MYLK: variants seen among roughly 807,000 people sequenced by gnomAD.
The protein encoded by MYLK is myosin light chain kinase, smooth muscle.
Under a neutral mutation model 203.4 loss-of-function variants are expected in MYLK, and 106 were observed. The observed-to-expected ratio is 0.52, with a 90% CI of 0.45 to 0.61. MYLK has a LOEUF of 0.61. Ranked by LOEUF, MYLK falls within the 20% of genes least tolerant of loss-of-function variation. The pLI is 0.00. For synonymous variants in MYLK, 867 were observed against 959.5 expected, an observed-to-expected ratio of 0.90 and a Z score of 1.78; for missense variants, 2,072 against 2,442.3, an observed-to-expected ratio of 0.85 and a Z score of 3.20.
In MYLK at chr3:123,677,900, TATATATATATATATATATAC is replaced by T. The variant is rs1011847900; in HGVS notation, c.3652+4304_3652+4323del. ...AAATAAATGAATATATATATATATA[TATATATATATATATATATAC>T]ACACACACACACACAGAGTACATCC... On this transcript the variant is annotated intron_variant, in intron 20 of 33. Transcript: ENST00000360304. Among the ~76,000 whole-genome samples the T allele has an allele frequency of 4.5e-5, 4 of 88,996 alleles. 1 individual carries two copies. The highest frequency in any genetic ancestry group is 2.0e-4 in the African/African-American group (4 of 20,302). 58.4% of individuals were successfully genotyped at this position (88,996 alleles called of 152,430 possible). A position where few individuals can be genotyped will look rare whatever the true frequency, so the allele number is the denominator to read the frequency against.
chr3:123,881,692 T>C (rs1404232404), intron 1 of MYLK, among the ~76,000 whole-genome samples: 1 of 152,152 alleles, frequency 6.6e-6, no homozygotes, highest in Non-Finnish European at 1.5e-5. Context: ...CAACTAGTTG[T>C]GTTTCAAACT....
intron 2 of MYLK, among the ~76,000 whole-genome samples, chr3:123,853,128 GA>G (rs148743700): frequency 0.012 from 1,793 of 146,354 alleles, 73 homozygotes; most frequent in Admixed American, 0.083. Flanking sequence ...ACTCTAGAGA[GA>G]AAAAAAAAAA....
chr3:123,762,388 C>T (rs1366557068), intron 4 of MYLK, among the ~76,000 whole-genome samples: 1 of 151,864 alleles, frequency 6.6e-6, no homozygotes, highest in Non-Finnish European at 1.5e-5. Context: ...TGCCACCATG[C>T]CTGGCTAATT....
chr3:123,768,780 G>A (rs754934054), intron 4 of MYLK, among the ~76,000 whole-genome samples: 5 of 152,126 alleles, frequency 3.3e-5, no homozygotes, highest in Non-Finnish European at 5.9e-5. Context: ...TCCTAATTGT[G>A]TCCTTTCGAA....
chr3:123,722,091 G>A, intron 13 of MYLK, 37 bp downstream of exon 13: 1 of 1,554,460 alleles, frequency 6.4e-7, no homozygotes, highest in Non-Finnish European at 8.7e-7. Context: ...GTGCCTGCAG[G>A]AAAGGTGCTT....
At chr3:123,673,090 T>C (rs1357019606) in intron 20 of MYLK, among the ~76,000 whole-genome samples, 3 of 152,084 alleles carry the variant, frequency 2.0e-5, no homozygotes, top group African/African-American at 4.8e-5. Context: ...TAAATAAAAT[T>C]TGTTGTAAAG....
intron 22 of MYLK, among the ~76,000 whole-genome samples, chr3:123,664,753 C>T (rs556461654): frequency 9.2e-5 from 14 of 152,162 alleles, no homozygotes; most frequent in African/African-American, 3.1e-4. Context: ...TATGGTCTAT[C>T]CTGACAATGG....
intron 2 of MYLK, among the ~76,000 whole-genome samples, chr3:123,874,246 C>G (rs569003771): frequency 1.3e-5 from 2 of 152,094 alleles, no homozygotes; most frequent in East Asian, 3.9e-4. Flanking sequence ...TACTTCAAAA[C>G]TTACAATAAA....
Position 123,733,987 on chromosome 3 carries a change from C to T in MYLK, c.1009G>A (p.Val337Ile), listed in dbSNP as rs760242263. The T allele has an allele frequency of 3.1e-6, 5 of 1,614,082 alleles. No homozygotes were observed. The South Asian group carries it at 3.3e-5, about 11-fold the overall frequency. Reference sequence around the variant, plus strand: ...ATGGAGCTGGAAGTCTTCTGAAGGACCGGGGTCTGCGGGGCCGTTCTGGGC... The same window carrying T: ...ATGGAGCTGGAAGTCTTCTGAAGGATCGGGGTCTGCGGGGCCGTTCTGGGC... ...DSPRTAPQTP[V>I]LQKTSSSITL... The change falls in exon 10 of 34, where the codon GTC becomes ATC. Residue 337 changes from valine (V) to isoleucine (I), a missense_variant. This residue lies in a region of MYLK where 683 missense variants were observed against 643.8 expected (regional missense o/e 1.06). Coordinates refer to ENST00000360304, the MANE Select transcript of MYLK (RefSeq NM_053025.4).
chr3:123,735,682 A>G (rs1324736006), intron 8 of MYLK: 2 of 460,046 alleles, frequency 4.3e-6, no homozygotes, highest in South Asian at 6.1e-5. Flanking sequence ...ACTAAACAGA[A>G]GGAAAAAAAA....
At chr3:123,720,224 G>C (rs1339255485) in intron 13 of MYLK, among the ~76,000 whole-genome samples, 1 of 152,158 alleles carries the variant, frequency 6.6e-6, no homozygotes, top group African/African-American at 2.4e-5. Context: ...GATGGGTGGT[G>C]ATCCTTCAGG....
intron 24 of MYLK, among the ~76,000 whole-genome samples, chr3:123,653,582 G>T (rs2059288954): frequency 6.6e-6 from 1 of 152,200 alleles, no homozygotes; most frequent in African/African-American, 2.4e-5. Flanking sequence ...GGCAGCAGGG[G>T]AGGGGAGTCT....
At chr3:123,702,524 G>A (rs1286566595) in intron 16 of MYLK, among the ~76,000 whole-genome samples, 7 of 152,174 alleles carry the variant, frequency 4.6e-5, no homozygotes, top group African/African-American at 1.7e-4. Context: ...TGACAACAGT[G>A]CTCCCACTCA....
chr3:123,642,168 G>C lies in MYLK; in HGVS notation c.4620-1664C>G, dbSNP rs980918198. Among the ~76,000 whole-genome samples the C allele has an allele frequency of 1.3e-5, 2 of 152,174 alleles. No homozygotes were observed. Among genetic ancestry groups the C allele is most frequent in the South Asian group, 2.1e-4 (1 of 4,830 alleles). On this transcript the variant is annotated intron_variant, in intron 27 of 33. Coordinates refer to ENST00000360304, the MANE Select transcript of MYLK (RefSeq NM_053025.4). This position sits in a 1 kb window ranked among gnomAD's most constrained non-coding sequence, Gnocchi z 4.2. ...TTGCAAGGGTATTTCCTCTCCTACA[G>C]AGAGTCCTCACGAAGAGGAAAGGAG...
intron 5 of MYLK, among the ~76,000 whole-genome samples, chr3:123,748,493 G>C (rs187149846): frequency 6.6e-6 from 1 of 152,330 alleles, no homozygotes; most frequent in East Asian, 1.9e-4. Flanking sequence ...CTGTTCAAAA[G>C]AGTAGCTGTT....
At chr3:123,789,659 C>CAAAAA (rs745766578) in intron 4 of MYLK, among the ~76,000 whole-genome samples, 50 of 78,592 alleles carry the variant, frequency 6.4e-4, no homozygotes, top group Non-Finnish European at 8.8e-4. Context: ...GCTGGCAAAG[C>CAAAAA]AAAAAAAAAA....
chr3:123,731,236 G>A (rs894893984), intron 11 of MYLK, among the ~76,000 whole-genome samples: 3 of 152,152 alleles, frequency 2.0e-5, no homozygotes, highest in African/African-American at 4.8e-5. Context: ...AGGAATTCAC[G>A]AGGATAGTAA....
At chr3:123,809,809 C>A (rs2065494147) in intron 3 of MYLK, among the ~76,000 whole-genome samples, 1 of 152,170 alleles carries the variant, frequency 6.6e-6, no homozygotes, top group Non-Finnish European at 1.5e-5. Context: ...GACGTACACG[C>A]AGTAGCCAAA....
At chr3:123,685,194 T>C (rs1480919692) in intron 19 of MYLK, among the ~76,000 whole-genome samples, 1 of 152,236 alleles carries the variant, frequency 6.6e-6, no homozygotes, top group Non-Finnish European at 1.5e-5. Flanking sequence ...CTGTCCCATC[T>C]CTGTTTCCAC....
Sources: allele counts gnomAD v4.1 joint callset (sites outside exome capture counted in the v4.1 genomes callset), GRCh38; gene constraint gnomAD v4.1.1; regional missense constraint gnomAD v4.1.1; non-coding constraint Gnocchi (gnomAD v3.1); transcripts MANE v1.5; gene names NCBI Gene and HGNC (gene_info 2026-07-23, HGNC 2026-07-21).